The following VPS26C variants were observed in gnomAD, a reference collection of about 807,000 sequenced individuals.
VPS26C encodes VPS26 endosomal protein sorting factor C.
VPS26C carries 19 observed loss-of-function variants against 30.6 expected under a neutral mutation model. The ratio of observed to expected loss-of-function variants is 0.62; its 90% CI spans 0.43 to 0.91. VPS26C has a LOEUF of 0.91. Ranked by LOEUF, VPS26C falls within the 40% of genes least tolerant of loss-of-function variation. The probability of loss-of-function intolerance (pLI) is 0.00; values close to 1 mark genes in which losing one functional copy is unlikely to be tolerated. For synonymous variants in VPS26C, 132 were observed against 151.5 expected (o/e 0.87, Z 0.95); for missense variants, 318 against 385.1 (o/e 0.83, Z 1.46).
rs2085974872 is a variant in VPS26C at position 37,232,413 on chromosome 21, G to C, written c.471C>G (p.Phe157Leu). 4 of 1,614,244 alleles carry C rather than the reference G, an allele frequency of 2.5e-6. No individual in the cohort carries two copies. Among genetic ancestry groups the C allele is most frequent in the Non-Finnish European group, 3.4e-6 (4 of 1,180,048 alleles). Residue 157 changes from phenylalanine (F) to leucine (L), a missense_variant, in exon 5 of 8, where the codon TTC becomes TTG. Phe to Leu is a conservative substitution (Grantham distance 22). Coordinates refer to ENST00000309117, the MANE Select transcript of VPS26C (RefSeq NM_006052.2). ...TCTGTAAGGTTTCAGGTGTAATCGT[G>C]AAGTCCACGGGACTGGGAGTAAACT... ...KGKFTPSPVD[F>L]TITPETLQNV...
intron 5 of VPS26C, chr21:37,228,934 G>A (rs970379518): frequency 6.6e-6 from 1 of 152,394 alleles, no homozygotes; most frequent in Admixed American, 6.5e-5. Context: ...GTGGGAGGCA[G>A]AGGCAGGAGG....
In VPS26C at chr21:37,223,874, G is replaced by C. The variant is rs1381250218; in HGVS notation, c.*1670C>G. On this transcript the variant is annotated 3_prime_UTR_variant, in exon 8 of 8. Transcript: ENST00000309117. Reference sequence around the variant, plus strand: ...CCCATCCAGAATGAAAAGTACAAAAGAAGGCTAGTGTGTGTGCAAAGCAGC... The same window carrying C: ...CCCATCCAGAATGAAAAGTACAAAACAAGGCTAGTGTGTGTGCAAAGCAGC... 1 of 152,222 alleles carries C rather than the reference G, an allele frequency of 6.6e-6. No homozygotes were observed. The highest frequency in any genetic ancestry group is 1.5e-5 in the Non-Finnish European group (1 of 68,042). The allele number at this position is 152,222 out of a possible 1,614,324, so 9.4% of individuals were successfully genotyped here.
In VPS26C at chr21:37,238,406, G is replaced by A. The variant is rs561775514; in HGVS notation, c.351+54C>T. On this transcript the variant is annotated intron_variant, in intron 3 of 7. Transcript: ENST00000309117. ...CTAACGTTGAGAGAAAGACCACACC[G>A]TTTGTCAGAAGAAAACTTGTGAAGT... 2.8e-4 allele frequency: 446 copies of A among 1,585,030 alleles called. 2 individuals carry two copies. The African/African-American group carries it at 3.3e-3, about 12-fold the overall frequency.
chr21:37,242,991 C>T (rs2086102830), intron 1 of VPS26C, among the ~76,000 whole-genome samples: 1 of 152,042 alleles, frequency 6.6e-6, no homozygotes, highest in African/African-American at 2.4e-5. Context: ...TCAACTCCTA[C>T]CAATGAAAGA....
At chr21:37,266,825 G>A in intron 1 of VPS26C, 1 of 217,298 alleles carries the variant, frequency 4.6e-6, no homozygotes, top group Non-Finnish European at 9.1e-6. Context: ...TTTAGCTTTC[G>A]TTCATTAGAC....
chr21:37,254,784 C>T (rs950785712), intron 1 of VPS26C, among the ~76,000 whole-genome samples: 11 of 150,508 alleles, frequency 7.3e-5, no homozygotes, highest in African/African-American at 2.7e-4. Flanking sequence ...GCCTGGGTGA[C>T]AAGAGCAAAA....
intron 1 of VPS26C, among the ~76,000 whole-genome samples, chr21:37,258,728 G>C (rs1045186726): frequency 2.0e-5 from 3 of 152,090 alleles, no homozygotes; most frequent in Admixed American, 6.5e-5. Flanking sequence ...GGCCGAGGGA[G>C]ATCTAGCAAG....
intron 7 of VPS26C, chr21:37,227,402 A>G (rs1328122828): frequency 3.9e-6 from 2 of 513,210 alleles, no homozygotes; most frequent in Non-Finnish European, 7.1e-6. Context: ...GTGTTTCCCC[A>G]TGTGACAGTG....
At chr21:37,243,542 A>C (rs2086108751) in intron 1 of VPS26C, among the ~76,000 whole-genome samples, 1 of 152,208 alleles carries the variant, frequency 6.6e-6, no homozygotes, top group South Asian at 2.1e-4. Context: ...ACCCCTCTTC[A>C]GGGTGAGTAA....
intron 1 of VPS26C, among the ~76,000 whole-genome samples, chr21:37,256,992 C>A: frequency 6.6e-6 from 1 of 151,964 alleles, no homozygotes; most frequent in East Asian, 1.9e-4. Context: ...ATTAGCCAAG[C>A]GTGGTAGCAC....
chr21:37,226,133 C>G lies in VPS26C; in HGVS notation c.812-507G>C, dbSNP rs1427711289. ...TATTCATCCATCACCTTTCAGCAAACAGGATTCCTTCTCCACCGACTCTTC... is the reference window on the plus strand; with the variant it reads ...TATTCATCCATCACCTTTCAGCAAAGAGGATTCCTTCTCCACCGACTCTTC... On this transcript the variant is annotated intron_variant, in intron 7 of 7. Transcript: ENST00000309117. This position sits in a 1 kb window ranked among gnomAD's most constrained non-coding sequence, Gnocchi z 4.1. 6.4e-6 allele frequency: 1 copy of G among 157,132 alleles called. No homozygotes were observed. The highest frequency in any genetic ancestry group is 1.4e-5 in the Non-Finnish European group (1 of 70,610). The allele number at this position is 157,132 out of a possible 1,614,324, so 9.7% of individuals were successfully genotyped here.
rs375877407 is a variant in VPS26C, at chr21:37,255,851, A to ATTTTT, written c.57+11382_57+11386dup. 1.3e-4 allele frequency among the ~76,000 whole-genome samples: 14 copies of ATTTTT among 108,456 alleles called. 1 individual carries two copies. Among genetic ancestry groups the ATTTTT allele is most frequent in the African/African-American group, 2.7e-4 (6 of 21,882 alleles). The allele number at this position is 108,456 out of a possible 152,430, so 71.2% of individuals were successfully genotyped here. A position where few individuals can be genotyped will look rare whatever the true frequency, so the allele number is the denominator to read the frequency against. ...TTTAAAGCCTCATTCTATGCACTGC[A>ATTTTT]TTTTTTTTTTTTTTTTTTTTTAGAT... is the stretch of plus-strand genomic sequence containing the variant. On this transcript the variant is annotated intron_variant, in intron 1 of 7. Coordinates refer to ENST00000309117, the MANE Select transcript of VPS26C (RefSeq NM_006052.2).
At chr21:37,234,339 C>T (rs2085997645) in intron 3 of VPS26C, among the ~76,000 whole-genome samples, 1 of 152,214 alleles carries the variant, frequency 6.6e-6, no homozygotes, top group East Asian at 1.9e-4. Context: ...GTGGCAGAGC[C>T]GCATTCCATT....
At chr21:37,263,810 T>C (rs986096391) in intron 1 of VPS26C, among the ~76,000 whole-genome samples, 2 of 152,182 alleles carry the variant, frequency 1.3e-5, no homozygotes, top group Non-Finnish European at 2.9e-5. Flanking sequence ...CTTTGGTAAC[T>C]GAATCTTTAC....
chr21:37,238,788 C>T (rs112898336), intron 2 of VPS26C, among the ~76,000 whole-genome samples, 179 bp from the exon 3 acceptor site: 4 of 152,334 alleles, frequency 2.6e-5, no homozygotes, highest in African/African-American at 7.2e-5. Flanking sequence ...TTTTAAGACT[C>T]TGGCACAATA....
chr21:37,264,291 G>GC (rs1266519403), intron 1 of VPS26C, among the ~76,000 whole-genome samples: 2 of 152,184 alleles, frequency 1.3e-5, no homozygotes, highest in Non-Finnish European at 2.9e-5. Flanking sequence ...GAGAGAAGCT[G>GC]CCTTCAGCCA....
At chr21:37,251,164 G>A (rs924906549) in intron 1 of VPS26C, among the ~76,000 whole-genome samples, 1 of 152,136 alleles carries the variant, frequency 6.6e-6, no homozygotes, top group African/African-American at 2.4e-5. Flanking sequence ...TTGCAACCTC[G>A]TGCCGGCTAT....
Position 37,257,565 on chromosome 21 carries a change from A to T in VPS26C, c.57+9673T>A, listed in dbSNP as rs184821263. Among the ~76,000 whole-genome samples the T allele has an allele frequency of 6.6e-6, 1 of 152,350 alleles. No homozygotes were observed. The highest frequency in any genetic ancestry group is 1.9e-4 in the East Asian group (1 of 5,184). ...TGCCTGTCTGTATAACAACGACCTGATGAAAAAAGGAACGCGTGAAATGGG... is the reference window on the plus strand; with the variant it reads ...TGCCTGTCTGTATAACAACGACCTGTTGAAAAAAGGAACGCGTGAAATGGG... On this transcript the variant is annotated intron_variant, in intron 1 of 7. Coordinates refer to ENST00000309117, the MANE Select transcript of VPS26C (RefSeq NM_006052.2). The surrounding 1 kb of genome is among the most constrained non-coding windows in gnomAD (Gnocchi z 4.2).
intron 6 of VPS26C, 106 bp downstream of exon 6, chr21:37,228,117 G>T: frequency 2.1e-6 from 3 of 1,460,034 alleles, no homozygotes; most frequent in Non-Finnish European, 2.8e-6. Context: ...GGGATTACAG[G>T]GGTGCGCCAC....
Sources: gnomAD v4.1 joint callset for allele counts (sites outside exome capture counted in the v4.1 genomes callset) on GRCh38, gnomAD v4.1.1 for gene constraint, Gnocchi (gnomAD v3.1) non-coding constraint, MANE v1.5 for transcripts, NCBI Gene and HGNC (gene_info 2026-07-23, HGNC 2026-07-21) for gene names.